NUP155: variants seen among roughly 807,000 people sequenced by gnomAD.
NUP155 encodes the protein nucleoporin 155, also known as nuclear pore complex protein Nup155.
A neutral mutation model predicts 180.4 loss-of-function variants in NUP155; 71 were observed. The observed-to-expected ratio is 0.39, with a 90% CI of 0.33 to 0.48. NUP155 has a LOEUF of 0.48. NUP155 is among the 20% of genes least tolerant of loss of function. The pLI, the probability that NUP155 is intolerant of heterozygous loss-of-function variation, is 0.91. For missense variants in NUP155, 1,553 were observed against 1,648.9 expected (o/e 0.94, Z 1.01); for synonymous variants, 582 against 559.5 (o/e 1.04, Z -0.57).
At chr5:37,314,398 G>C (rs1166003553) in intron 21 of NUP155, 70 bp from the exon 22 acceptor site, 5 of 1,195,332 alleles carry the variant, frequency 4.2e-6, no homozygotes, top group Non-Finnish European at 6.0e-6. Flanking sequence ...AATAAAAACT[G>C]TAGTTAAGGT....
chr5:37,328,423 A>C lies in NUP155; in HGVS notation c.1814-3T>G. ...ACTACCACTAGGAACAGGAGAACCT[A>C]AAAAGGGAAAGAAGAATATAAAGAT... On this transcript the variant is annotated splice_polypyrimidine_tract_variant and splice_region_variant and intron_variant, in intron 16 of 34. Transcript: ENST00000231498. 1 of 1,582,764 alleles carries C rather than the reference A, an allele frequency of 6.3e-7. No homozygotes were observed. Among genetic ancestry groups the C allele is most frequent in the East Asian group, 2.2e-5 (1 of 44,714 alleles).
chr5:37,328,364 A>G lies in NUP155; in HGVS notation c.1870T>C (p.Ser624Pro), dbSNP rs749228063. 8.7e-6 allele frequency: 14 copies of G among 1,606,818 alleles called. No individual in the cohort carries two copies. The South Asian group carries it at 1.2e-4, about 14-fold the overall frequency. ...AAACAAAGAAAAGAGGTACCATGAG[A>G]CGGTGTTCCCAAAAAGGATGGATTT... ...YPNPSFLGTP[S>P]HGIQPPAMST... The change falls in exon 17 of 35, where the codon TCT (serine) becomes CCT (proline). Residue 624 changes from serine to proline, a missense_variant. Ser to Pro is a moderately conservative substitution (Grantham distance 74). Transcript: ENST00000231498.
chr5:37,363,831 A>G, intron 3 of NUP155, 57 bp downstream of exon 3: 1 of 1,122,836 alleles, frequency 8.9e-7, no homozygotes. Context: ...CACTAGCTAC[A>G]GTAAAGTTTA....
At chr5:37,317,861 C>A in intron 21 of NUP155, 127 bp downstream of exon 21, 1 of 737,086 alleles carries the variant, frequency 1.4e-6, no homozygotes, top group Non-Finnish European at 2.5e-6. Context: ...CCCAATTACA[C>A]TGATATTTTA....
In NUP155 at chr5:37,364,393, A is replaced by G. The variant is rs1416908585; in HGVS notation, c.158-9T>C. 6.8e-6 allele frequency: 11 copies of G among 1,610,478 alleles called. No homozygotes were observed. Among genetic ancestry groups the G allele is most frequent in the African/African-American group, 1.3e-5 (1 of 74,972 alleles). ...AGAAACGGTGGGATTATCTACAAAA[A>G]GAAAATGAAGTATTTATAATAATGT... On this transcript the variant is annotated splice_polypyrimidine_tract_variant and intron_variant, in intron 1 of 34. Transcript: ENST00000231498.
chr5:37,350,449 A>T (rs1199228697), intron 6 of NUP155, among the ~76,000 whole-genome samples, 184 bp from the exon 7 acceptor site: 3 of 152,176 alleles, frequency 2.0e-5, no homozygotes, highest in Admixed American at 6.6e-5. Flanking sequence ...TTAGCCCATA[A>T]TTTAAAATAT....
In NUP155 at chr5:37,341,858, T is replaced by C. The variant is rs142293553; in HGVS notation, c.1094-616A>G. On this transcript the variant is annotated intron_variant, in intron 10 of 34. Coordinates refer to ENST00000231498, the MANE Select transcript of NUP155 (RefSeq NM_153485.3). ...CCCGGCTCCCCTGACTGATCTTAAA[T>C]TACCATATAGACTATCTGCTAAAAT... is the stretch of plus-strand genomic sequence containing the variant. Among the ~76,000 whole-genome samples the C allele has an allele frequency of 9.3e-4, 141 of 152,248 alleles. 1 individual carries two copies. The East Asian group carries it at 0.022, about 24-fold the overall frequency.
intron 24 of NUP155, 135 bp from the exon 25 acceptor site, chr5:37,307,567 TTC>T (rs923369985): frequency 7.1e-6 from 6 of 847,852 alleles, no homozygotes; most frequent in Non-Finnish European, 1.2e-5. Flanking sequence ...CATAAAATAT[TTC>T]TGATAGGTCT....
intron 32 of NUP155, among the ~76,000 whole-genome samples, chr5:37,294,949 G>C (rs1381782955): frequency 6.6e-6 from 1 of 151,978 alleles, no homozygotes; most frequent in Non-Finnish European, 1.5e-5. Context: ...AAAGATATAA[G>C]AAGAAAACAG....
chr5:37,317,344 C>T lies in NUP155; in HGVS notation c.2305+644G>A, dbSNP rs1387746361. On this transcript the variant is annotated intron_variant, in intron 21 of 34. Transcript: ENST00000231498. Reference sequence around the variant, plus strand: ...TCTCTTCTGAAAATACAAAATTAGCCGGGCGTGGTGGCACATGCCTCTAAT... The same window carrying T: ...TCTCTTCTGAAAATACAAAATTAGCTGGGCGTGGTGGCACATGCCTCTAAT... 7.9e-5 allele frequency among the ~76,000 whole-genome samples: 12 copies of T among 151,756 alleles called. No homozygotes were observed. The East Asian group carries it at 1.4e-3, about 17-fold the overall frequency.
At chr5:37,292,114 T>G in intron 34 of NUP155, 76 bp from the exon 35 acceptor site, 2 of 1,402,978 alleles carry the variant, frequency 1.4e-6, no homozygotes, top group Non-Finnish European at 2.0e-6. Flanking sequence ...CCCACCAACT[T>G]CTGGCAACTT....
rs1308519454 is a variant in NUP155 at position 37,292,979 on chromosome 5, A to G, written c.3937T>C (p.Phe1313Leu). ...YDQLFKSRDPFWNRMKKPLHL... is the reference protein window; with the variant it reads ...YDQLFKSRDPLWNRMKKPLHL... ...AGTGGCTTCTTCATTCTGTTCCAGA[A>G]TGGATCCTATGAAGAAATATACATA... is the stretch of plus-strand genomic sequence containing the variant. The change falls in exon 34 of 35, where the codon TTC (phenylalanine) becomes CTC (leucine). Residue 1313 changes from phenylalanine to leucine, a missense_variant. By Grantham distance (22) the Phe-to-Leu change is conservative. Transcript: ENST00000231498. The G allele has an allele frequency of 1.3e-6, 2 of 1,592,478 alleles. No homozygotes were observed. The highest frequency in any genetic ancestry group is 2.2e-5 in the East Asian group (1 of 44,626).
intron 1 of NUP155, among the ~76,000 whole-genome samples, chr5:37,366,946 G>A (rs1425007393): frequency 2.0e-5 from 3 of 152,116 alleles, no homozygotes; most frequent in Admixed American, 6.6e-5. Context: ...CACCGTGCCC[G>A]GCCGGTCTCA....
intron 13 of NUP155, among the ~76,000 whole-genome samples, chr5:37,332,538 T>G (rs1167711553): frequency 1.3e-5 from 2 of 152,086 alleles, no homozygotes; most frequent in Non-Finnish European, 2.9e-5. Flanking sequence ...TTAGCCAGGA[T>G]GGTGTTTTTG....
chr5:37,314,349 A>G (rs1318370736), intron 21 of NUP155, 21 bp from the exon 22 acceptor site: 2 of 1,544,338 alleles, frequency 1.3e-6, no homozygotes, highest in Non-Finnish European at 1.8e-6. Context: ...AACAAAATAA[A>G]TTATTATAAA....
At chr5:37,352,927 T>C (rs540776149) in intron 4 of NUP155, 98 bp from the exon 5 acceptor site, 7 of 792,244 alleles carry the variant, frequency 8.8e-6, no homozygotes, top group East Asian at 2.6e-5. Context: ...AATTAAATGG[T>C]ATATGAAAAG....
chr5:37,370,351 G>A (rs1350101647), intron 1 of NUP155, among the ~76,000 whole-genome samples: 2 of 152,218 alleles, frequency 1.3e-5, no homozygotes, highest in African/African-American at 4.8e-5. Flanking sequence ...CAGCCTGGGC[G>A]AAGAGGGAAC....
At chr5:37,318,226 G>T in intron 20 of NUP155, 141 bp from the exon 21 acceptor site, 1 of 663,668 alleles carries the variant, frequency 1.5e-6, no homozygotes, top group Admixed American at 2.2e-5. Flanking sequence ...AAGGGCTGAT[G>T]GCCAGAAAAA....
At position 37,305,057 on chromosome 5, in the gene NUP155, A is replaced by G. The variant is rs753458835; in HGVS notation, c.3057T>C (p.His1019=). Residue 1019 remains histidine (H), a splice_region_variant and synonymous_variant, in exon 26 of 35, where the codon CAT becomes CAC. Coordinates refer to ENST00000231498, the MANE Select transcript of NUP155 (RefSeq NM_153485.3). ...AATGAAAATATACTATGTCCCTTAC[A>G]TGATGTCCTGCTTCTTCATTACTCA... The part of the protein sequence containing the change: ...NMLSNEEAGH[H]FEQMLKLSQR... 16 of 1,613,226 alleles carry G rather than the reference A, an allele frequency of 9.9e-6. No homozygotes were observed. The highest frequency in any genetic ancestry group is 1.4e-5 in the Non-Finnish European group (16 of 1,179,986).
Sources: gnomAD v4.1 joint callset for allele counts (sites outside exome capture counted in the v4.1 genomes callset) on GRCh38, gnomAD v4.1.1 for gene constraint, MANE v1.5 for transcripts, NCBI Gene and HGNC (gene_info 2026-07-23, HGNC 2026-07-21) for gene names.